Variants in DOC2B observed in about 807,000 individuals in gnomAD.
The protein encoded by DOC2B is double C2-like domain-containing protein beta.
DOC2B carries 21 observed loss-of-function variants against 28.9 expected under a neutral mutation model. The ratio of observed to expected loss-of-function variants is 0.73; its 90% CI spans 0.52 to 1.05. DOC2B has a LOEUF of 1.05. Ranked by LOEUF, DOC2B falls within the 50% of genes least tolerant of loss-of-function variation. DOC2B has a pLI of 0.00. For synonymous variants in DOC2B, 194 were observed against 178.1 expected, an observed-to-expected ratio of 1.09 and a Z score of -0.71; for missense variants, 384 against 421.1, an observed-to-expected ratio of 0.91 and a Z score of 0.77.
intron 6 of DOC2B, among the ~76,000 whole-genome samples, chr17:151,246 G>C (rs892931309): frequency 1.3e-5 from 2 of 152,066 alleles, no homozygotes; most frequent in African/African-American, 2.4e-5. Flanking sequence ...CTTTGGCCTG[G>C]ACAACAGAGC....
chr17:150,235 T>G (rs1179393408), intron 6 of DOC2B, among the ~76,000 whole-genome samples: 1 of 152,226 alleles, frequency 6.6e-6, no homozygotes, highest in African/African-American at 2.4e-5. Flanking sequence ...CCTGCATAGA[T>G]AATTGCATGA....
intron 5 of DOC2B, among the ~76,000 whole-genome samples, chr17:157,138 C>T (rs897679388): frequency 7.9e-5 from 12 of 152,232 alleles, no homozygotes; most frequent in Non-Finnish European, 1.3e-4. Flanking sequence ...CGGCCTGGCG[C>T]GCTCGGCTTC....
In DOC2B at chr17:162,045, T is replaced by G. The variant is rs1425871120; in HGVS notation, c.638+36A>C. On this transcript the variant is annotated intron_variant, in intron 4 of 8. Coordinates refer to ENST00000613549, the MANE Select transcript of DOC2B (RefSeq NM_003585.5). ...GGAAAAGCCGGGTGGGAGTAGGGGT[T>G]GGGGAGGGAGCAGGCGGCCTGGGAC... The G allele has an allele frequency of 1.4e-5, 20 of 1,433,454 alleles. 1 individual carries two copies. In the Admixed American group the frequency reaches 3.3e-4, roughly 24 times the overall value. 88.8% of individuals were successfully genotyped at this position (1,433,454 alleles called of 1,614,324 possible).
chr17:161,917 G>A (rs143038544), intron 4 of DOC2B, among the ~76,000 whole-genome samples, 164 bp downstream of exon 4: 1,864 of 152,298 alleles, frequency 0.012, 29 homozygotes, highest in African/African-American at 0.042. Context: ...CTCCATTGGC[G>A]TGGGCAGACC....
At chr17:177,077 T>TAAA (rs5818740) in intron 1 of DOC2B, among the ~76,000 whole-genome samples, 5,415 of 143,500 alleles carry the variant, frequency 0.038, 309 homozygotes, top group African/African-American at 0.12. Context: ...TCAAATACTT[T>TAAA]AAAAAAAACA....
Position 165,802 on chromosome 17 carries a change from G to A in DOC2B, c.454-1598C>T, listed in dbSNP as rs142674657. ...GCACCTTTCCCACCAAGTGCCTGAA[G>A]TGCAGAGTTCTGGGAATCTGGTGGC... On this transcript the variant is annotated intron_variant, in intron 2 of 8. Coordinates refer to ENST00000613549, the MANE Select transcript of DOC2B (RefSeq NM_003585.5). Among the ~76,000 whole-genome samples, 832 of 152,340 alleles carry A rather than the reference G, an allele frequency of 5.5e-3. 3 individuals carry two copies. The highest frequency in any genetic ancestry group is 8.4e-3 in the Non-Finnish European group (574 of 68,040).
Position 147,194 on chromosome 17 carries a change from T to C in DOC2B, c.*247A>G. On this transcript the variant is annotated 3_prime_UTR_variant, in exon 9 of 9. Coordinates refer to ENST00000613549, the MANE Select transcript of DOC2B (RefSeq NM_003585.5). Reference sequence around the variant, plus strand: ...TCCCCTGGGCAGGTGCTGAGGTCTCTTTCCACCACCGGCCTCTTGGGCCCC... The same window carrying C: ...TCCCCTGGGCAGGTGCTGAGGTCTCCTTCCACCACCGGCCTCTTGGGCCCC... 1 of 377,826 alleles carries C rather than the reference T, an allele frequency of 2.6e-6. No individual in the cohort carries two copies. The highest frequency in any genetic ancestry group is 4.7e-6 in the Non-Finnish European group (1 of 213,290). The allele number at this position is 377,826 out of a possible 1,614,324, so 23.4% of individuals were successfully genotyped here.
chr17:161,267 A>ACCCCCTTGACTCTCCATGCTCACCTCCC, intron 5 of DOC2B, 148 bp downstream of exon 5: 2 of 824,850 alleles, frequency 2.4e-6, no homozygotes, highest in Non-Finnish European at 3.8e-6. Flanking sequence ...CCTCACCTCC[A>ACCCCCTTGACTCTCCATGCTCACCTCCC]CCCCCTTGAC....
chr17:145,832 G>C lies in DOC2B; in HGVS notation c.*1609C>G, dbSNP rs2040014573. 2 of 152,702 alleles carry C rather than the reference G, an allele frequency of 1.3e-5. No individual in the cohort carries two copies. The highest frequency in any genetic ancestry group is 1.3e-4 in the Admixed American group (2 of 15,298). 9.5% of individuals were successfully genotyped at this position (152,702 alleles called of 1,614,324 possible). ...GTGGTGTCCAGCACTCTGGGCTGGG[G>C]GCTGTGGATCCTGGTTCCAGCTGTG... On this transcript the variant is annotated 3_prime_UTR_variant, in exon 9 of 9. Transcript: ENST00000613549.
At chr17:174,105 G>A (rs1018045539) in intron 1 of DOC2B, among the ~76,000 whole-genome samples, 5 of 152,206 alleles carry the variant, frequency 3.3e-5, no homozygotes, top group Non-Finnish European at 7.3e-5. Context: ...AAGGCCACGA[G>A]TGTGGAGTGT....
intron 3 of DOC2B, among the ~76,000 whole-genome samples, chr17:162,532 T>C (rs746896714): frequency 7.2e-5 from 11 of 152,206 alleles, no homozygotes; most frequent in Non-Finnish European, 1.2e-4. Flanking sequence ...GGAGGGCCGA[T>C]GGCCTCTAGA....
At chr17:164,712 C>T (rs143704764) in intron 2 of DOC2B, among the ~76,000 whole-genome samples, 2 of 152,302 alleles carry the variant, frequency 1.3e-5, no homozygotes, top group East Asian at 3.9e-4. Context: ...ACAGAGGGTC[C>T]CTCCACAAGA....
intron 5 of DOC2B, among the ~76,000 whole-genome samples, chr17:158,832 G>A (rs2040165653): frequency 6.6e-6 from 1 of 152,134 alleles, no homozygotes; most frequent in South Asian, 2.1e-4. Context: ...ATCACCTGAG[G>A]TCAGCAGCTC....
At chr17:170,118 C>T (rs562128442) in intron 2 of DOC2B, among the ~76,000 whole-genome samples, 16 of 152,300 alleles carry the variant, frequency 1.1e-4, no homozygotes, top group African/African-American at 3.8e-4. Context: ...AGGCCTGGAC[C>T]ACCTCTACAA....
intron 1 of DOC2B, among the ~76,000 whole-genome samples, chr17:179,398 C>CA (rs770987974): frequency 8.6e-5 from 12 of 139,032 alleles, no homozygotes; most frequent in Non-Finnish European, 9.3e-5. Flanking sequence ...TCAGAGACAG[C>CA]AAAAAAAAGA....
chr17:144,152 T>G lies in DOC2B; in HGVS notation c.*3289A>C, dbSNP rs1276082096. 2.6e-5 allele frequency: 4 copies of G among 151,736 alleles called. No homozygotes were observed. Among genetic ancestry groups the G allele is most frequent in the African/African-American group, 9.8e-5 (4 of 40,876 alleles). The allele number at this position is 151,736 out of a possible 1,614,324, so 9.4% of individuals were successfully genotyped here. ...GGTTACTGACACCTGGAATGACTTT[T>G]TTTTTTTGGCATCAGATTTCCTGTC... On this transcript the variant is annotated 3_prime_UTR_variant, in exon 9 of 9. Coordinates refer to ENST00000613549, the MANE Select transcript of DOC2B (RefSeq NM_003585.5).
chr17:148,577 G>A (rs2040039930), intron 7 of DOC2B, among the ~76,000 whole-genome samples: 1 of 152,044 alleles, frequency 6.6e-6, no homozygotes, highest in African/African-American at 2.4e-5. Context: ...CTGGGGCCTG[G>A]CTTTGCTGAC....
rs750908718 is a variant in DOC2B at position 156,325 on chromosome 17, G to A, written c.818C>T (p.Ser273Phe). ...TTGCTTCTGTGAGCTGTACTTGAGG[G>A]AGATGAGGATGCGGCCCCGCTCCTC... Reference protein sequence around the residue: ...SLEERGRILISLKYSSQKQGL... With the variant: ...SLEERGRILIFLKYSSQKQGL... The change falls in exon 6 of 9, where the codon TCC becomes TTC. Residue 273 changes from serine (S) to phenylalanine (F), a missense_variant. Transcript: ENST00000613549. 1 of 1,551,582 alleles carries A rather than the reference G, an allele frequency of 6.4e-7. No individual in the cohort carries two copies. The highest frequency in any genetic ancestry group is 1.2e-5 in the South Asian group (1 of 84,066).
At chr17:152,271 A>G (rs781358949) in intron 6 of DOC2B, among the ~76,000 whole-genome samples, 1 of 152,224 alleles carries the variant, frequency 6.6e-6, no homozygotes, top group Non-Finnish European at 1.5e-5. Context: ...AGATAACAAC[A>G]GGAGCGACCG....
Sources: gnomAD v4.1 joint callset for allele counts (sites outside exome capture counted in the v4.1 genomes callset) on GRCh38, gnomAD v4.1.1 for gene constraint, MANE v1.5 for transcripts, NCBI Gene and HGNC (gene_info 2026-07-23, HGNC 2026-07-21) for gene names.